Variants in TMPRSS11F observed in about 807,000 individuals in gnomAD.
The protein encoded by TMPRSS11F is transmembrane protease serine 11F.
TMPRSS11F carries 47 observed loss-of-function variants against 60.2 expected under a neutral mutation model. That is an observed-to-expected ratio of 0.78 (90% CI 0.62 to 1.00). TMPRSS11F has a LOEUF of 1.00. TMPRSS11F is among the 50% of genes least tolerant of loss of function. The pLI is 0.00. For synonymous variants in TMPRSS11F, 166 were observed against 167.3 expected (o/e 0.99, Z 0.06); for missense variants, 519 against 522.9 (o/e 0.99, Z 0.07).
chr4:68,115,930 A>G (rs928413397), intron 1 of TMPRSS11F, among the ~76,000 whole-genome samples: 1 of 152,200 alleles, frequency 6.6e-6, no homozygotes, highest in African/African-American at 2.4e-5. Context: ...TAATTTGACA[A>G]TTCTTTCCAA....
At chr4:68,104,114 T>G (rs1724251751) in intron 1 of TMPRSS11F, among the ~76,000 whole-genome samples, 1 of 152,206 alleles carries the variant, frequency 6.6e-6, no homozygotes, top group African/African-American at 2.4e-5. Flanking sequence ...CTTTCTGATT[T>G]GGATACCATT....
At chr4:68,057,896 T>C (rs1723080851) in intron 9 of TMPRSS11F, among the ~76,000 whole-genome samples, 1 of 152,252 alleles carries the variant, frequency 6.6e-6, no homozygotes, top group South Asian at 2.1e-4. Context: ...ATAAAAAGAA[T>C]AAATTCTGTC....
intron 5 of TMPRSS11F, 95 bp downstream of exon 5, chr4:68,072,228 A>G (rs796601460): frequency 1.2e-5 from 1 of 86,586 alleles, no homozygotes; most frequent in Non-Finnish European, 2.1e-5. Context: ...TTCCAAAAAA[A>G]AAATATATAT....
chr4:68,077,383 C>CA (rs1407803744), intron 3 of TMPRSS11F: 1 of 152,202 alleles, frequency 6.6e-6, no homozygotes, highest in Non-Finnish European at 1.5e-5. Context: ...TTAAGGCCCA[C>CA]ATAGACTGCA....
exon 1 of TMPRSS11F, chr4:68,129,868 TCAGCA>T (rs749411390): frequency 1.2e-5 from 19 of 1,606,614 alleles, no homozygotes; most frequent in Non-Finnish European, 1.6e-5. Context: ...CTGATCTGTA[TCAGCA>T]GGTTAGGACT....
intron 8 of TMPRSS11F, among the ~76,000 whole-genome samples, chr4:68,060,164 C>T (rs1723129891): frequency 6.7e-6 from 1 of 149,262 alleles, no homozygotes; most frequent in Non-Finnish European, 1.5e-5. Flanking sequence ...ATTTGGAAAA[C>T]TTTTCATATA....
chr4:68,112,199 G>C (rs558431561), intron 1 of TMPRSS11F, among the ~76,000 whole-genome samples: 2 of 152,222 alleles, frequency 1.3e-5, no homozygotes, highest in East Asian at 1.9e-4. Flanking sequence ...TTCAAGTTCA[G>C]TGAGTCTAGC....
chr4:68,064,705 A>C lies in TMPRSS11F; in HGVS notation c.995T>G (p.Phe332Cys), dbSNP rs1186403933. The C allele has an allele frequency of 1.2e-6, 2 of 1,614,018 alleles. No individual in the cohort carries two copies. The highest frequency in any genetic ancestry group is 8.5e-7 in the Non-Finnish European group (1 of 1,180,034). ...PPKTSVFVTG[F>C]GSIVDDGPIQ... ...CTCACCATCATCTACAATGGATCCA[A>C]ATCCTGTGACGAACACACTTGTTTT... is the stretch of plus-strand genomic sequence containing the variant. The change falls in exon 8 of 10, where the codon TTT becomes TGT. Residue 332 changes from phenylalanine to cysteine, a missense_variant. Coordinates refer to ENST00000356291, the MANE Select transcript of TMPRSS11F (RefSeq NM_207407.2).
intron 5 of TMPRSS11F, among the ~76,000 whole-genome samples, chr4:68,070,593 G>A (rs1723437391): frequency 6.6e-6 from 1 of 152,176 alleles, no homozygotes; most frequent in Non-Finnish European, 1.5e-5. Flanking sequence ...GGCACTAGAG[G>A]CATGAAGTTC....
chr4:68,061,898 A>T (rs190028744), intron 8 of TMPRSS11F: 7,733 of 412,292 alleles, frequency 0.019, 328 homozygotes, highest in African/African-American at 0.12. Context: ...ATGAACTTTT[A>T]AAAAAAAATT....
chr4:68,121,809 A>G (rs1015509586), intron 1 of TMPRSS11F, among the ~76,000 whole-genome samples: 1 of 152,218 alleles, frequency 6.6e-6, no homozygotes, highest in Admixed American at 6.5e-5. Flanking sequence ...TATTAAATAA[A>G]CAAAATTAAC....
intron 2 of TMPRSS11F, 50 bp downstream of exon 2, chr4:68,098,837 T>TA: frequency 2.0e-6 from 3 of 1,512,292 alleles, no homozygotes; most frequent in Non-Finnish European, 2.7e-6. Flanking sequence ...AATTTCAAGA[T>TA]ACGAAGTCAT....
intron 9 of TMPRSS11F, among the ~76,000 whole-genome samples, chr4:68,054,932 A>G (rs1262584952): frequency 1.3e-5 from 2 of 152,200 alleles, no homozygotes; most frequent in Non-Finnish European, 2.9e-5. Context: ...GTGCTATGGT[A>G]ACACACAACA....
intron 8 of TMPRSS11F, chr4:68,063,409 GCT>G: frequency 2.7e-6 from 1 of 373,212 alleles, no homozygotes; most frequent in Admixed American, 3.5e-5. Context: ...ATGGAGTCTT[GCT>G]CTGTCACCAG....
chr4:68,071,291 A>C (rs1723457064), intron 5 of TMPRSS11F, among the ~76,000 whole-genome samples: 1 of 152,198 alleles, frequency 6.6e-6, no homozygotes, highest in South Asian at 2.1e-4. Flanking sequence ...TGGGGATTCT[A>C]TCTCAAAATA....
chr4:68,061,576 G>C (rs1224284602), intron 8 of TMPRSS11F, among the ~76,000 whole-genome samples: 1 of 152,090 alleles, frequency 6.6e-6, no homozygotes, highest in African/African-American at 2.4e-5. Flanking sequence ...GGCAGTGTTG[G>C]TTACTAAATA....
chr4:68,119,171 G>A (rs962004988), intron 1 of TMPRSS11F, among the ~76,000 whole-genome samples: 1 of 152,058 alleles, frequency 6.6e-6, no homozygotes, highest in African/African-American at 2.4e-5. Flanking sequence ...CTAATCCAAA[G>A]CAAGGCCCTA....
At position 68,099,100 on chromosome 4, in the gene TMPRSS11F, C is replaced by T. The variant is rs75301633; in HGVS notation, c.12-62G>A. Reference sequence around the variant, plus strand: ...TCATTATAGTTCAACTTTATGTTTACTTACTATGTTCCTCTATGAAAATAG... The same window carrying T: ...TCATTATAGTTCAACTTTATGTTTATTTACTATGTTCCTCTATGAAAATAG... On this transcript the variant is annotated intron_variant, in intron 1 of 9. Coordinates refer to ENST00000356291, the MANE Select transcript of TMPRSS11F (RefSeq NM_207407.2). 13,173 of 1,406,572 alleles carry T rather than the reference C, an allele frequency of 9.4e-3. 511 individuals carry two copies. In the African/African-American group the frequency reaches 0.11, roughly 12 times the overall value. 87.1% of individuals were successfully genotyped at this position (1,406,572 alleles called of 1,614,324 possible).
chr4:68,078,410 T>C (rs1312704968), intron 3 of TMPRSS11F, among the ~76,000 whole-genome samples: 1 of 152,234 alleles, frequency 6.6e-6, no homozygotes, highest in Non-Finnish European at 1.5e-5. Flanking sequence ...GGCCACCTTG[T>C]CATCTTGAAT....
Sources: gnomAD v4.1 joint callset for allele counts (sites outside exome capture counted in the v4.1 genomes callset) on GRCh38, gnomAD v4.1.1 for gene constraint, MANE v1.5 for transcripts, NCBI Gene and HGNC (gene_info 2026-07-23, HGNC 2026-07-21) for gene names.